CCSER1: variants seen among roughly 807,000 people sequenced by gnomAD.
CCSER1 encodes serine-rich coiled-coil domain-containing protein 1.
A neutral mutation model predicts 82.0 loss-of-function variants in CCSER1; 41 were observed. The observed-to-expected ratio is 0.50, with a 90% CI of 0.39 to 0.65. The LOEUF is 0.65. Ranked by LOEUF, CCSER1 falls within the 30% of genes least tolerant of loss-of-function variation. The pLI, the probability that CCSER1 is intolerant of heterozygous loss-of-function variation, is 0.00. For synonymous variants in CCSER1, 414 were observed against 383.9 expected, an observed-to-expected ratio of 1.08 and a Z score of -0.92; for missense variants, 1,119 against 1,064.2, an observed-to-expected ratio of 1.05 and a Z score of -0.72.
At chr4:91,256,210 A>C (rs945223861) in intron 10 of CCSER1, among the ~76,000 whole-genome samples, 4 of 152,178 alleles carry the variant, frequency 2.6e-5, no homozygotes, top group Admixed American at 2.0e-4. Flanking sequence ...GGATGAAAGA[A>C]GCCCTGGTCT....
chr4:91,570,070 A>G (rs1161030538), intron 10 of CCSER1, among the ~76,000 whole-genome samples: 1 of 152,172 alleles, frequency 6.6e-6, no homozygotes, highest in East Asian at 1.9e-4. Context: ...CCAAAATCCA[A>G]TAGGGTAGTC....
intron 1 of CCSER1, among the ~76,000 whole-genome samples, chr4:90,167,827 G>C (rs1452229316): frequency 6.6e-6 from 1 of 151,992 alleles, no homozygotes; most frequent in Non-Finnish European, 1.5e-5. Context: ...TGGCTGCATA[G>C]TATTCCATGG....
At chr4:91,535,958 T>C (rs1411867624) in intron 10 of CCSER1, among the ~76,000 whole-genome samples, 1 of 152,060 alleles carries the variant, frequency 6.6e-6, no homozygotes, top group Admixed American at 6.6e-5. Context: ...TCTCTTCTCT[T>C]TATCCCTTCA....
Position 90,685,237 on chromosome 4 carries a change from C to T in CCSER1, c.1933-38677C>T, listed in dbSNP as rs78174056. On this transcript the variant is annotated intron_variant, in intron 6 of 10. Coordinates refer to ENST00000509176, the MANE Select transcript of CCSER1 (RefSeq NM_001145065.2). ...TGTTTGCTGGTGATCACATCAACTT[C>T]AGGCTAGAACAAGATGGCAGCAGTG... Among the ~76,000 whole-genome samples the T allele has an allele frequency of 2.0e-4, 30 of 151,968 alleles. No individual in the cohort carries two copies. The East Asian group carries it at 3.1e-3, about 16-fold the overall frequency.
chr4:90,919,928 G>C (rs901349305), intron 8 of CCSER1, among the ~76,000 whole-genome samples: 1 of 151,796 alleles, frequency 6.6e-6, no homozygotes, highest in African/African-American at 2.4e-5. Flanking sequence ...GAAAAAATAA[G>C]CGGTGTATTT....
At chr4:90,394,425 G>A (rs74729463) in intron 3 of CCSER1, among the ~76,000 whole-genome samples, 1 of 152,134 alleles carries the variant, frequency 6.6e-6, no homozygotes, top group Non-Finnish European at 1.5e-5. Flanking sequence ...TGAGTAGTCA[G>A]TATGGCTGAA....
At chr4:90,208,198 AG>A (rs140035561) in intron 1 of CCSER1, among the ~76,000 whole-genome samples, 1,821 of 152,280 alleles carry the variant, frequency 0.012, 46 homozygotes, top group African/African-American at 0.041. Context: ...TGCCCTACAC[AG>A]AGGGGAGGAA....
chr4:90,428,002 A>G (rs1271087778), intron 4 of CCSER1, among the ~76,000 whole-genome samples: 1 of 151,850 alleles, frequency 6.6e-6, no homozygotes, highest in East Asian at 1.9e-4. Flanking sequence ...CACATTTTGT[A>G]GATAATATGC....
chr4:90,694,709 T>C (rs1736668019), intron 6 of CCSER1, among the ~76,000 whole-genome samples: 1 of 151,948 alleles, frequency 6.6e-6, no homozygotes, highest in African/African-American at 2.4e-5. Context: ...ATGAGAACAC[T>C]TGTTAAATGT....
At chr4:90,688,197 G>C (rs1252790985) in intron 6 of CCSER1, among the ~76,000 whole-genome samples, 2 of 152,044 alleles carry the variant, frequency 1.3e-5, no homozygotes, top group East Asian at 3.9e-4. Context: ...GAGAAGCCAG[G>C]AACAATTACC....
rs1156480921 is a variant in CCSER1 at position 91,411,517 on chromosome 4, TATATATATAA to T, written c.2218-187053_2218-187044del. Among the ~76,000 whole-genome samples the T allele has an allele frequency of 6.0e-4, 69 of 114,190 alleles. 1 individual carries two copies. The highest frequency in any genetic ancestry group is 2.2e-3 in the African/African-American group (66 of 30,336). 74.9% of individuals were successfully genotyped at this position (114,190 alleles called of 152,430 possible). A position where few individuals can be genotyped will look rare whatever the true frequency, so the allele number is the denominator to read the frequency against. On this transcript the variant is annotated intron_variant, in intron 10 of 10. Transcript: ENST00000509176. ...ATATATATATATATATATATATATA[TATATATATAA>T]AATCTTGACTAGTTAATATATTTAA... is the stretch of plus-strand genomic sequence containing the variant.
intron 7 of CCSER1, among the ~76,000 whole-genome samples, chr4:90,783,861 A>G (rs1754128986): frequency 6.6e-6 from 1 of 152,198 alleles, no homozygotes; most frequent in African/African-American, 2.4e-5. Flanking sequence ...TGTAATTGTA[A>G]GATTATAGAA....
chr4:90,485,417 A>G (rs992469259), intron 5 of CCSER1, among the ~76,000 whole-genome samples: 4 of 151,618 alleles, frequency 2.6e-5, no homozygotes, highest in African/African-American at 9.7e-5. Flanking sequence ...CGTGAGATGA[A>G]CCTGGTACCT....
intron 10 of CCSER1, among the ~76,000 whole-genome samples, chr4:91,251,133 A>G (rs1251953067): frequency 3.3e-5 from 5 of 152,132 alleles, no homozygotes; most frequent in Non-Finnish European, 1.5e-5. Context: ...AGGCTGTTAT[A>G]ACAAATACCA....
In CCSER1 at chr4:91,598,696, A is replaced by G. The variant is rs1764697789; in HGVS notation, c.2342A>G (p.Lys781Arg). ...GACCAGACAAGCCCCTACAAAAACA[A>G]GACCTGTCAACTCCCAAGTCTCTGT... ...AADQTSPYKN[K>R]TCQLPSLCLS... The change falls in exon 11 of 11, where the codon AAG becomes AGG. Residue 781 changes from lysine to arginine, a missense_variant. By Grantham distance (26) the Lys-to-Arg change is conservative. Coordinates refer to ENST00000509176, the MANE Select transcript of CCSER1 (RefSeq NM_001145065.2). 5 of 1,551,588 alleles carry G rather than the reference A, an allele frequency of 3.2e-6. No individual in the cohort carries two copies. The East Asian group carries it at 1.2e-4, about 38-fold the overall frequency.
At chr4:90,476,648 A>G (rs968116514) in intron 5 of CCSER1, among the ~76,000 whole-genome samples, 2 of 152,226 alleles carry the variant, frequency 1.3e-5, no homozygotes. Context: ...TTCAAACGTC[A>G]AGAACCAATA....
intron 4 of CCSER1, among the ~76,000 whole-genome samples, chr4:90,441,474 G>A (rs947493870): frequency 1.3e-5 from 2 of 151,988 alleles, no homozygotes; most frequent in African/African-American, 2.4e-5. Context: ...TCTCTCTGGG[G>A]TCTTTTTTTT....
At chr4:91,081,523 C>T (rs2148802576) in intron 9 of CCSER1, among the ~76,000 whole-genome samples, 1 of 152,254 alleles carries the variant, frequency 6.6e-6, no homozygotes, top group South Asian at 2.1e-4. Flanking sequence ...TGCCCTCTCT[C>T]ACCACTCCTA....
intron 10 of CCSER1, among the ~76,000 whole-genome samples, chr4:91,287,240 C>G (rs942248625): frequency 6.6e-6 from 1 of 151,764 alleles, no homozygotes; most frequent in Non-Finnish European, 1.5e-5. Context: ...GAAAATAATA[C>G]TAACCTCAAA....
Sources: gnomAD v4.1 joint callset for allele counts (sites outside exome capture counted in the v4.1 genomes callset) on GRCh38, gnomAD v4.1.1 for gene constraint, MANE v1.5 for transcripts, NCBI Gene and HGNC (gene_info 2026-07-23, HGNC 2026-07-21) for gene names.